The following GPHN variants were observed in gnomAD, a reference collection of about 807,000 sequenced individuals.
GPHN encodes gephyrin.
Under a neutral mutation model 95.5 loss-of-function variants are expected in GPHN, and 17 were observed. That is an observed-to-expected ratio of 0.18 (90% CI 0.12 to 0.27). GPHN has a LOEUF of 0.27. Among genes scored for constraint, GPHN ranks in the 10% least tolerant of loss-of-function variants. The probability of loss-of-function intolerance (pLI) is 1.00; values close to 1 mark genes in which losing one functional copy is unlikely to be tolerated. For synonymous variants in GPHN, 320 were observed against 322.5 expected (o/e 0.99, Z 0.08); for missense variants, 660 against 978.1 (o/e 0.67, Z 4.34).
At chr14:67,400,030 A>G in the GPHN span, among the ~76,000 whole-genome samples, 1 of 152,184 alleles carries the variant, frequency 6.6e-6, no homozygotes, top group Non-Finnish European at 1.5e-5. Context: ...ATTCATATCA[A>G]AGGCCCTTTT....
At chr14:66,600,116 G>C (rs1325462149) in intron 1 of GPHN, among the ~76,000 whole-genome samples, 1 of 151,864 alleles carries the variant, frequency 6.6e-6, no homozygotes, top group East Asian at 1.9e-4. Flanking sequence ...CTCATTTAAA[G>C]TTTTTGCATC....
At chr14:67,284,584 A>C in the GPHN span, among the ~76,000 whole-genome samples, 10 of 143,582 alleles carry the variant, frequency 7.0e-5, no homozygotes, top group African/African-American at 2.4e-4. Context: ...AAAAAAAAAA[A>C]AAAAGGTTGT....
intron 10 of GPHN, among the ~76,000 whole-genome samples, chr14:67,055,574 A>C (rs1226674837): frequency 6.6e-6 from 1 of 152,264 alleles, no homozygotes; most frequent in African/African-American, 2.4e-5. Flanking sequence ...AGGAATATAA[A>C]TCATTCCTTT....
chr14:67,333,838 G>A, the GPHN span: 1 of 152,496 alleles, frequency 6.6e-6, no homozygotes, highest in Admixed American at 6.6e-5. Context: ...TCCTCATGAT[G>A]CTAATAGTTT....
At chr14:67,413,839 G>C in the GPHN span, among the ~76,000 whole-genome samples, 3 of 152,166 alleles carry the variant, frequency 2.0e-5, no homozygotes, top group Admixed American at 6.5e-5. Context: ...TGTAGTAGTA[G>C]GTGCTAGGTT....
At chr14:67,138,043 A>AT (rs1339482400) in intron 17 of GPHN, among the ~76,000 whole-genome samples, 1 of 152,186 alleles carries the variant, frequency 6.6e-6, no homozygotes, top group Non-Finnish European at 1.5e-5. Flanking sequence ...TAAGATTTAT[A>AT]TATTTATATA....
chr14:67,203,966 C>A, the GPHN span, among the ~76,000 whole-genome samples: 2 of 152,200 alleles, frequency 1.3e-5, no homozygotes, highest in Admixed American at 1.3e-4. Flanking sequence ...CCCGCCTTGG[C>A]CTCCCAAAGT....
intron 3 of GPHN, among the ~76,000 whole-genome samples, chr14:66,781,377 C>A (rs1157621872): frequency 6.6e-6 from 1 of 151,992 alleles, no homozygotes; most frequent in Non-Finnish European, 1.5e-5. Context: ...CCACCACACC[C>A]AGCTAATTTT....
At chr14:66,558,655 A>G (rs901504434) in intron 1 of GPHN, among the ~76,000 whole-genome samples, 7 of 152,172 alleles carry the variant, frequency 4.6e-5, no homozygotes, top group African/African-American at 1.7e-4. Flanking sequence ...CATTTAATAT[A>G]GAGTTCATTC....
chr14:66,739,370 C>T (rs1460360424), intron 2 of GPHN, among the ~76,000 whole-genome samples: 1 of 151,730 alleles, frequency 6.6e-6, no homozygotes, highest in Admixed American at 6.6e-5. Context: ...GCACCCGCCA[C>T]CACGCCCGGC....
chr14:67,057,695 TTCTC>T (rs1271270749), intron 10 of GPHN, among the ~76,000 whole-genome samples: 1 of 152,206 alleles, frequency 6.6e-6, no homozygotes, highest in South Asian at 2.1e-4. Context: ...TCCTTCCTCT[TTCTC>T]TTTCTTGTTC....
At chr14:67,162,256 A>T (rs1301343450) in intron 19 of GPHN, among the ~76,000 whole-genome samples, 2 of 152,254 alleles carry the variant, frequency 1.3e-5, no homozygotes, top group African/African-American at 2.4e-5. Context: ...CTTTAAATGC[A>T]GTGGAAGGAA....
the GPHN span, among the ~76,000 whole-genome samples, chr14:67,623,534 C>CTT: frequency 8.1e-3 from 671 of 82,976 alleles, 53 homozygotes; most frequent in Non-Finnish European, 0.011. Context: ...CTCAGGTAAC[C>CTT]TTTTTTTTTT....
At chr14:67,103,637 T>C (rs1357723488) in intron 13 of GPHN, among the ~76,000 whole-genome samples, 1 of 151,582 alleles carries the variant, frequency 6.6e-6, no homozygotes, top group Non-Finnish European at 1.5e-5. Context: ...TTTGTAGTTA[T>C]TATACATGGG....
Position 66,900,718 on chromosome 14 carries a change from A to G in GPHN, c.390-15285A>G, listed in dbSNP as rs181587272. On this transcript the variant is annotated intron_variant, in intron 5 of 22. Coordinates refer to ENST00000478722, the MANE Select transcript of GPHN (RefSeq NM_020806.5). ...CATCCATGTTCCTGCAAATGATAGG[A>G]TTTCATTTTTTAATCAGTGAATAAT... 5.3e-5 allele frequency among the ~76,000 whole-genome samples: 8 copies of G among 151,992 alleles called. No individual in the cohort carries two copies. The East Asian group carries it at 1.2e-3, about 22-fold the overall frequency.
chr14:67,212,130 G>A, the GPHN span, among the ~76,000 whole-genome samples: 1 of 152,112 alleles, frequency 6.6e-6, no homozygotes, highest in Non-Finnish European at 1.5e-5. Flanking sequence ...ATAATGAAAT[G>A]AAAACAGTAA....
chr14:66,553,189 C>G (rs530803816), intron 1 of GPHN, among the ~76,000 whole-genome samples: 1 of 152,088 alleles, frequency 6.6e-6, no homozygotes, highest in African/African-American at 2.4e-5. Context: ...AGGGGTTTTA[C>G]CACATTGGCC....
intron 1 of GPHN, among the ~76,000 whole-genome samples, chr14:66,671,074 C>T (rs865795759): frequency 6.7e-4 from 102 of 152,248 alleles, no homozygotes; most frequent in African/African-American, 2.2e-3. Context: ...AAATTAGTTG[C>T]ACATGTTCAT....
intron 2 of GPHN, among the ~76,000 whole-genome samples, chr14:66,718,383 G>A (rs143206827): frequency 0.012 from 1,826 of 152,182 alleles, 18 homozygotes; most frequent in Non-Finnish European, 0.018. Context: ...TCGTGGTCTC[G>A]CTGACTTCAG....
Sources: allele counts gnomAD v4.1 joint callset (sites outside exome capture counted in the v4.1 genomes callset), GRCh38; gene constraint gnomAD v4.1.1; transcripts MANE v1.5; gene names NCBI Gene and HGNC (gene_info 2026-07-23, HGNC 2026-07-21).